HSBP1L1: variants seen among roughly 807,000 people sequenced by gnomAD.
The protein encoded by HSBP1L1 is heat shock factor binding protein 1 like 1.
In HSBP1L1, 8 loss-of-function variants were observed where a neutral mutation model predicts 9.7. The observed-to-expected ratio is 0.82, with a 90% confidence interval of 0.48 to 1.48. The LOEUF is 1.48. Ranked by LOEUF, HSBP1L1 falls within the 40% of genes most tolerant of loss-of-function variation. HSBP1L1 has a pLI of 0.00. For missense variants in HSBP1L1, 106 were observed against 95.8 expected (o/e 1.11, Z -0.44); for synonymous variants, 39 against 34.4 (o/e 1.13, Z -0.46).
chr18:79,966,564 T>A (rs902075140), intron 1 of HSBP1L1, 48 bp from the exon 2 acceptor site: 1 of 1,380,508 alleles, frequency 7.2e-7, no homozygotes, highest in Non-Finnish European at 1.0e-6. Flanking sequence ...AAAACTCATA[T>A]GCCAACAGTA....
chr18:79,966,268 G>A (rs2051256701), intron 1 of HSBP1L1, among the ~76,000 whole-genome samples: 1 of 152,162 alleles, frequency 6.6e-6, no homozygotes, highest in African/African-American at 2.4e-5. Context: ...CGTGGGCCAG[G>A]TGTGGTGGCT....
At chr18:79,969,394 A>AGAAAGAAAGAAAG (rs35959688) in intron 3 of HSBP1L1, among the ~76,000 whole-genome samples, 2,222 of 80,160 alleles carry the variant, frequency 0.028, 114 homozygotes, top group East Asian at 0.069. Flanking sequence ...AAAGAAAGAA[A>AGAAAGAAAGAAAG]AAAAAACGAT....
Position 79,970,518 on chromosome 18 carries a change from G to T in HSBP1L1, c.*67G>T, listed in dbSNP as rs1271934690. 1 of 717,660 alleles carries T rather than the reference G, an allele frequency of 1.4e-6. No individual in the cohort carries two copies. Among genetic ancestry groups the T allele is most frequent in the African/African-American group, 1.7e-5 (1 of 57,236 alleles). The allele number at this position is 717,660 out of a possible 1,614,324, so 44.5% of individuals were successfully genotyped here. The stretch of plus-strand genomic sequence containing the variant: ...TCATTAAGGTTACATCGGTCCTGAG[G>T]GTGGGGCCCTCATCCAACAGGATTC... On this transcript the variant is annotated 3_prime_UTR_variant, in exon 4 of 4. Coordinates refer to ENST00000451882, the MANE Select transcript of HSBP1L1 (RefSeq NM_001136180.2).
intron 3 of HSBP1L1, among the ~76,000 whole-genome samples, chr18:79,968,657 C>T (rs1599700650): frequency 2.0e-5 from 3 of 151,712 alleles, no homozygotes; most frequent in South Asian, 4.2e-4. Flanking sequence ...TTAGTAGAGA[C>T]GGAGTTTCAC....
Position 79,969,339 on chromosome 18 carries a change from G to GA in HSBP1L1, c.214-1098dup, listed in dbSNP as rs1555716350. On this transcript the variant is annotated intron_variant, in intron 3 of 3. Coordinates refer to ENST00000451882, the MANE Select transcript of HSBP1L1 (RefSeq NM_001136180.2). ...AAAGAAAGAAAGAAAGAAAAAGAAA[G>GA]AAAGAAAGAAAGAAAGAAAGAAAGA... 0.013 allele frequency among the ~76,000 whole-genome samples: 248 copies of GA among 18,810 alleles called. 17 individuals carry two copies. The East Asian group carries it at 0.15, about 11-fold the overall frequency. The allele number at this position is 18,810 out of a possible 152,430, so 12.3% of individuals were successfully genotyped here. A position where few individuals can be genotyped will look rare whatever the true frequency, so the allele number is the denominator to read the frequency against.
intron 2 of HSBP1L1, 36 bp from the exon 3 acceptor site, chr18:79,968,053 G>C: frequency 2.2e-6 from 3 of 1,370,844 alleles, no homozygotes; most frequent in Admixed American, 2.2e-5. Flanking sequence ...GGCGGCTCTG[G>C]ACTCCAGCTC....
At position 79,970,506 on chromosome 18, in the gene HSBP1L1, A is replaced by C. The variant is rs907888018; in HGVS notation, c.*55A>C. ...CCTCTACAGAAGTCATTAAGGTTAC[A>C]TCGGTCCTGAGGGTGGGGCCCTCAT... is the stretch of plus-strand genomic sequence containing the variant. On this transcript the variant is annotated 3_prime_UTR_variant, in exon 4 of 4. Transcript: ENST00000451882. 3 of 718,072 alleles carry C rather than the reference A, an allele frequency of 4.2e-6. No individual in the cohort carries two copies. The highest frequency in any genetic ancestry group is 7.8e-6 in the Non-Finnish European group (3 of 384,796). The allele number at this position is 718,072 out of a possible 1,614,324, so 44.5% of individuals were successfully genotyped here. A position where few individuals can be genotyped will look rare whatever the true frequency, so the allele number is the denominator to read the frequency against.
At chr18:79,970,212 AAGT>A (rs2051287868) in intron 3 of HSBP1L1, 1 of 478,846 alleles carries the variant, frequency 2.1e-6, no homozygotes, top group Non-Finnish European at 3.8e-6. Context: ...TCTACCTGGT[AAGT>A]GGTTGTAAGG....
chr18:79,968,123 G>A lies in HSBP1L1; in HGVS notation c.153G>A (p.Gln51=). 1.9e-6 allele frequency: 3 copies of A among 1,550,378 alleles called. No individual in the cohort carries two copies. The South Asian group carries it at 3.6e-5, about 18-fold the overall frequency. The change falls in exon 3 of 4, where the codon CAG becomes CAA. Residue 51 remains glutamine (Q), a synonymous_variant. Transcript: ENST00000451882. ...EEMGNRIEDL[Q]KNVKDLMVQA... is the part of the protein sequence containing the mutation. ...TGGGAAATCGCATTGAGGACTTACA[G>A]AAGAATGTCAAGGACTTAATGGTGC...
In HSBP1L1 at chr18:79,969,630, G is replaced by A. The variant is rs570096389; in HGVS notation, c.214-810G>A. Among the ~76,000 whole-genome samples the A allele has an allele frequency of 3.8e-4, 58 of 152,342 alleles. 1 individual carries two copies. In the South Asian group the frequency reaches 0.011, roughly 30 times the overall value. On this transcript the variant is annotated intron_variant, in intron 3 of 3. Coordinates refer to ENST00000451882, the MANE Select transcript of HSBP1L1 (RefSeq NM_001136180.2). ...TCTGCGTGCGCTCAGAGCAGAGGCA[G>A]TCTTCCCCCAGACACCTAACCAAGT...
intron 3 of HSBP1L1, 28 bp downstream of exon 3, chr18:79,968,211 C>T (rs771943311): frequency 4.9e-5 from 66 of 1,337,060 alleles, no homozygotes; most frequent in Non-Finnish European, 6.1e-5. Context: ...CTATGTCAAC[C>T]GTTTTCGTAT....
Position 79,968,310 on chromosome 18 carries a change from GAAT to G in HSBP1L1, c.213+133_213+135del, listed in dbSNP as rs545673768. 355 of 619,770 alleles carry G rather than the reference GAAT, an allele frequency of 5.7e-4. 1 individual carries two copies. The East Asian group carries it at 9.9e-3, about 17-fold the overall frequency. The allele number at this position is 619,770 out of a possible 1,614,324, so 38.4% of individuals were successfully genotyped here. A position where few individuals can be genotyped will look rare whatever the true frequency, so the allele number is the denominator to read the frequency against. On this transcript the variant is annotated intron_variant, in intron 3 of 3. Coordinates refer to ENST00000451882, the MANE Select transcript of HSBP1L1 (RefSeq NM_001136180.2). ...TCTGTGCTGCATGAAAACTGCTCAG[GAAT>G]AATAAATTTCCAAATGCTCTCTTCT...
At chr18:79,969,369 A>G in intron 3 of HSBP1L1, among the ~76,000 whole-genome samples, 1 of 50,328 alleles carries the variant, frequency 2.0e-5, no homozygotes, top group African/African-American at 4.9e-5. Flanking sequence ...GAAAGAAAGA[A>G]AGAAAGAAAG....
At chr18:79,969,048 G>A (rs1271124180) in intron 3 of HSBP1L1, among the ~76,000 whole-genome samples, 3 of 149,578 alleles carry the variant, frequency 2.0e-5, no homozygotes, top group Non-Finnish European at 3.0e-5. Context: ...AAATAGCCGG[G>A]TGTGGTGGCG....
Position 79,968,782 on chromosome 18 carries a change from T to C in HSBP1L1, c.213+599T>C, listed in dbSNP as rs576427111. ...GCCACCCAGTGCAACCCGAACCTCA[T>C]CAGGGCACTGTAGGCATTCTCACAG... On this transcript the variant is annotated intron_variant, in intron 3 of 3. Coordinates refer to ENST00000451882, the MANE Select transcript of HSBP1L1 (RefSeq NM_001136180.2). 3.3e-5 allele frequency among the ~76,000 whole-genome samples: 5 copies of C among 151,720 alleles called. No individual in the cohort carries two copies. In the East Asian group the frequency reaches 7.9e-4, roughly 24 times the overall value.
chr18:79,967,530 T>C (rs1408521566), intron 2 of HSBP1L1: 2 of 152,292 alleles, frequency 1.3e-5, no homozygotes, highest in East Asian at 1.9e-4. Flanking sequence ...TCCTTAAATA[T>C]TGTGTGCTTG....
At chr18:79,968,212 G>A (rs554551472) in intron 3 of HSBP1L1, 29 bp downstream of exon 3, 14 of 1,301,320 alleles carry the variant, frequency 1.1e-5, no homozygotes, top group African/African-American at 4.4e-5. Context: ...TATGTCAACC[G>A]TTTTCGTATG....
Position 79,970,759 on chromosome 18 carries a change from GACT to G in HSBP1L1, c.*310_*312del, listed in dbSNP as rs2051292721. On this transcript the variant is annotated 3_prime_UTR_variant, in exon 4 of 4. Coordinates refer to ENST00000451882, the MANE Select transcript of HSBP1L1 (RefSeq NM_001136180.2). ...TATTTTGTTATGGCAGTCCTGGGCA[GACT>G]AATACAATATGCAACACATTTACAA... 8.6e-6 allele frequency: 3 copies of G among 349,338 alleles called. No homozygotes were observed. In the South Asian group the frequency reaches 1.9e-4, roughly 22 times the overall value. The allele number at this position is 349,338 out of a possible 1,614,324, so 21.6% of individuals were successfully genotyped here.
chr18:79,964,827 C>T, intron 1 of HSBP1L1, 41 bp downstream of exon 1: 2 of 1,177,702 alleles, frequency 1.7e-6, no homozygotes, highest in Non-Finnish European at 2.2e-6. Flanking sequence ...TGGATGGGGG[C>T]GCCCCTGCGG....
Sources: gnomAD v4.1 joint callset for allele counts (sites outside exome capture counted in the v4.1 genomes callset) on GRCh38, gnomAD v4.1.1 for gene constraint, MANE v1.5 for transcripts, NCBI Gene and HGNC (gene_info 2026-07-23, HGNC 2026-07-21) for gene names.